The following SETD2 variants were observed in gnomAD, a reference collection of about 807,000 sequenced individuals.
SETD2 encodes the protein SET domain containing 2, histone lysine methyltransferase, also known as histone-lysine N-methyltransferase SETD2.
In SETD2, 31 loss-of-function variants were observed where a neutral mutation model predicts 242.1. The observed-to-expected ratio is 0.13, with a 90% CI of 0.10 to 0.17. SETD2 has a LOEUF of 0.17. Ranked by LOEUF, SETD2 falls within the 10% of genes least tolerant of loss-of-function variation. The pLI, the probability that SETD2 is intolerant of heterozygous loss-of-function variation, is 1.00. For missense variants in SETD2, 2,481 were observed against 3,046.3 expected (o/e 0.81, Z 4.37); for synonymous variants, 1,006 against 1,066.5 (o/e 0.94, Z 1.11).
chr3:47,118,440 G>A (rs1277518528), intron 3 of SETD2, among the ~76,000 whole-genome samples: 2 of 151,894 alleles, frequency 1.3e-5, no homozygotes, highest in African/African-American at 2.4e-5. Context: ...TGAATATATA[G>A]GCCAGGCGTG....
In SETD2 at chr3:47,017,394, T is replaced by C. The variant is rs982052566; in HGVS notation, c.7534-140A>G. ...AGGAAGTTAATAAGGGGGTAGATGT[T>C]GGGGCAGGCTGGTGCTATGATCACC... On this transcript the variant is annotated intron_variant, in intron 20 of 20. Coordinates refer to ENST00000409792, the MANE Select transcript of SETD2 (RefSeq NM_014159.7). This position sits in a 1 kb window ranked among gnomAD's most constrained non-coding sequence, Gnocchi z 4.8. 1.1e-6 allele frequency: 1 copy of C among 894,576 alleles called. No homozygotes were observed. Among genetic ancestry groups the C allele is most frequent in the Non-Finnish European group, 1.7e-6 (1 of 594,096 alleles). 55.4% of individuals were successfully genotyped at this position (894,576 alleles called of 1,614,324 possible).
At chr3:47,026,135 C>T (rs949676592) in intron 18 of SETD2, among the ~76,000 whole-genome samples, 3 of 152,032 alleles carry the variant, frequency 2.0e-5, no homozygotes, top group African/African-American at 7.2e-5. Flanking sequence ...TCCATCAAAA[C>T]GTGGGCATGG....
chr3:47,163,054 G>A (rs1170203987), intron 1 of SETD2, among the ~76,000 whole-genome samples: 2 of 152,312 alleles, frequency 1.3e-5, no homozygotes, highest in East Asian at 1.9e-4. Flanking sequence ...TAGGGTAAGA[G>A]ATTCCTGTTA....
chr3:47,065,315 T>G (rs2040514328), intron 13 of SETD2, among the ~76,000 whole-genome samples: 1 of 152,074 alleles, frequency 6.6e-6, no homozygotes, highest in South Asian at 2.1e-4. Context: ...CTCACAGGTC[T>G]TTAACCAATA....
rs1553682198 is a variant in SETD2 at position 47,049,375 on chromosome 3, T to TC, written c.6964-2755_6964-2754insG. Among the ~76,000 whole-genome samples the TC allele has an allele frequency of 5.8e-4, 4 of 6,932 alleles. 1 individual carries two copies. The highest frequency in any genetic ancestry group is 2.2e-3 in the Non-Finnish European group (4 of 1,846). The allele number at this position is 6,932 out of a possible 152,430, so 4.5% of individuals were successfully genotyped here. A position where few individuals can be genotyped will look rare whatever the true frequency, so the allele number is the denominator to read the frequency against. ...TATTCTTATATATATAAACTTATTC[T>TC]TTTTTTTTTTTTTTTGAGACAGAGT... On this transcript the variant is annotated intron_variant, in intron 15 of 20. Transcript: ENST00000409792.
In SETD2 at chr3:47,145,652, AT is replaced by A. The variant is rs2043834107; in HGVS notation, c.71+18201del. 9.4e-5 allele frequency: 25 copies of A among 267,054 alleles called. 1 individual carries two copies. Among genetic ancestry groups the A allele is most frequent in the South Asian group, 8.7e-4 (25 of 28,634 alleles). 16.5% of individuals were successfully genotyped at this position (267,054 alleles called of 1,614,324 possible). Reference sequence around the variant, plus strand: ...TTAAAAAAGTTTTAACTTTTGGAGCATTTCAGATTTCACATTTTTGGATTCA... The same window carrying A: ...TTAAAAAAGTTTTAACTTTTGGAGCATTCAGATTTCACATTTTTGGATTCA... On this transcript the variant is annotated intron_variant, in intron 1 of 20. Transcript: ENST00000409792.
intron 8 of SETD2, among the ~76,000 whole-genome samples, chr3:47,098,918 A>G (rs1031764752): frequency 6.6e-6 from 1 of 152,212 alleles, no homozygotes; most frequent in Non-Finnish European, 1.5e-5. Context: ...ATTCCCAAAC[A>G]GCACTTGATT....
chr3:47,019,983 G>C (rs986336634), intron 18 of SETD2, 143 bp from the exon 19 acceptor site: 2 of 677,548 alleles, frequency 3.0e-6, no homozygotes, highest in African/African-American at 3.6e-5. Context: ...CCCTGACTCA[G>C]GTACAAGGCC....
intron 1 of SETD2, among the ~76,000 whole-genome samples, chr3:47,151,279 C>T (rs1463820442): frequency 6.6e-6 from 1 of 151,848 alleles, no homozygotes; most frequent in Non-Finnish European, 1.5e-5. Context: ...CTTGAAACTT[C>T]GTATTAATAA....
At chr3:47,136,430 A>G (rs531513101) in intron 1 of SETD2, among the ~76,000 whole-genome samples, 2 of 152,040 alleles carry the variant, frequency 1.3e-5, no homozygotes, top group Admixed American at 1.3e-4. Context: ...CTGCTTCTCG[A>G]TAATAAAATG....
At position 47,146,931 on chromosome 3, in the gene SETD2, C is replaced by T. The variant is rs186470583; in HGVS notation, c.71+16923G>A. Among the ~76,000 whole-genome samples, 659 of 150,454 alleles carry T rather than the reference C, an allele frequency of 4.4e-3. 8 individuals are homozygous for T. Among genetic ancestry groups the T allele is most frequent in the African/African-American group, 0.015 (628 of 40,888 alleles). The stretch of plus-strand genomic sequence containing the variant: ...CCACTCTAGGTGACAGAGTGAGACC[C>T]TGTCTTCAAAAAAAAAAAAAAATTC... On this transcript the variant is annotated intron_variant, in intron 1 of 20. Coordinates refer to ENST00000409792, the MANE Select transcript of SETD2 (RefSeq NM_014159.7).
At chr3:47,019,559 G>A (rs1438891326) in intron 19 of SETD2, among the ~76,000 whole-genome samples, 1 of 152,118 alleles carries the variant, frequency 6.6e-6, no homozygotes, top group East Asian at 1.9e-4. Flanking sequence ...GGTCTGAGAG[G>A]GGCTCCTGTC....
At chr3:47,113,736 G>C in intron 5 of SETD2, 140 bp downstream of exon 5, 2 of 679,978 alleles carry the variant, frequency 2.9e-6, no homozygotes, top group Non-Finnish European at 4.6e-6. Context: ...CTACTTGAGA[G>C]GCTAAGGCAG....
chr3:47,024,332 C>T (rs764950755), intron 18 of SETD2, among the ~76,000 whole-genome samples: 23 of 152,102 alleles, frequency 1.5e-4, no homozygotes, highest in Admixed American at 1.3e-3. Flanking sequence ...ATTAGCCAGG[C>T]GTGGTGGCAG....
intron 1 of SETD2, among the ~76,000 whole-genome samples, chr3:47,148,029 T>C (rs559234699): frequency 4.6e-5 from 7 of 152,248 alleles, no homozygotes; most frequent in East Asian, 1.9e-4. Flanking sequence ...ATTATACTCA[T>C]TGGTGGGCTA....
intron 1 of SETD2, among the ~76,000 whole-genome samples, chr3:47,140,271 T>C (rs1162937690): frequency 6.6e-6 from 1 of 152,182 alleles, no homozygotes; most frequent in Non-Finnish European, 1.5e-5. Context: ...CAAGAATACC[T>C]ACCTAAAGTG....
chr3:47,064,666 G>A (rs536874752), intron 13 of SETD2: 320 of 383,322 alleles, frequency 8.3e-4, no homozygotes, highest in Non-Finnish European at 1.5e-3. Context: ...GTTAGACTAC[G>A]TATTTCCTGA....
chr3:47,120,498 T>G lies in SETD2; in HGVS notation c.4138A>C (p.Thr1380Pro). ...TCTTTCTTTTCATTCACAGCTAAAGTGTCCTTAATGGAATTGCTGCTTATT... is the reference window on the plus strand; with the variant it reads ...TCTTTCTTTTCATTCACAGCTAAAGGGTCCTTAATGGAATTGCTGCTTATT... ...PEISSNSIKDTLAVNEKKDFS... is the reference protein window; with the variant it reads ...PEISSNSIKDPLAVNEKKDFS... The change falls in exon 3 of 21, where the codon ACT becomes CCT. Residue 1380 changes from threonine to proline, a missense_variant. Thr to Pro is a conservative substitution (Grantham distance 38). Around this residue, in one of 17 missense-constraint regions of SETD2, gnomAD observed 1,300 missense variants for 1,259.2 expected, o/e 1.03. Transcript: ENST00000409792. 1 of 1,614,014 alleles carries G rather than the reference T, an allele frequency of 6.2e-7. No homozygotes were observed. The highest frequency in any genetic ancestry group is 8.5e-7 in the Non-Finnish European group (1 of 1,179,972).
At chr3:47,137,200 ATTTTT>A (rs1307418243) in intron 1 of SETD2, among the ~76,000 whole-genome samples, 2 of 151,338 alleles carry the variant, frequency 1.3e-5, no homozygotes, top group Non-Finnish European at 2.9e-5. Flanking sequence ...ATTTTATTTT[ATTTTT>A]ATTTTTGAGA....
Sources: allele counts gnomAD v4.1 joint callset (sites outside exome capture counted in the v4.1 genomes callset), GRCh38; gene constraint gnomAD v4.1.1; regional missense constraint gnomAD v4.1.1; non-coding constraint Gnocchi (gnomAD v3.1); transcripts MANE v1.5; gene names NCBI Gene and HGNC (gene_info 2026-07-23, HGNC 2026-07-21).